Variants in PEDS1 observed in about 807,000 individuals in gnomAD.
PEDS1 encodes plasmanylethanolamine desaturase 1, also known as CarF homolog.
PEDS1 carries 14 observed loss-of-function variants against 35.2 expected under a neutral mutation model. The observed-to-expected ratio is 0.40, with a 90% CI of 0.26 to 0.62. The LOEUF (loss-of-function observed/expected upper bound fraction) is 0.62. Ranked by LOEUF, PEDS1 falls within the 20% of genes least tolerant of loss-of-function variation. The pLI is 0.44. For synonymous variants in PEDS1, 152 were observed against 152.0 expected (o/e 1.00, Z 0.00); for missense variants, 260 against 367.8 (o/e 0.71, Z 2.40).
intron 2 of PEDS1, among the ~76,000 whole-genome samples, chr20:50,138,875 G>T (rs1382028596): frequency 1.3e-5 from 2 of 152,226 alleles, no homozygotes; most frequent in Admixed American, 1.3e-4. Context: ...CTCACCCCAG[G>T]CTACCCTGAC....
intron 1 of PEDS1, chr20:50,151,407 G>T: frequency 1.3e-6 from 1 of 753,726 alleles, no homozygotes; most frequent in Non-Finnish European, 2.1e-6. Context: ...GCCTGGGAAT[G>T]ATTTGGGCTG....
At chr20:50,143,699 TTC>T in intron 1 of PEDS1, 78 bp from the exon 2 acceptor site, 1 of 1,532,332 alleles carries the variant, frequency 6.5e-7, no homozygotes, top group East Asian at 2.3e-5. Flanking sequence ...AACTTTTCTT[TTC>T]TTTTTTTTTT....
Position 50,151,046 on chromosome 20 carries a change from C to T in PEDS1, c.121+2471G>A, listed in dbSNP as rs181547181. 1.5e-3 allele frequency among the ~76,000 whole-genome samples: 230 copies of T among 152,310 alleles called. 1 individual carries two copies. The highest frequency in any genetic ancestry group is 2.5e-3 in the Non-Finnish European group (172 of 68,028). On this transcript the variant is annotated intron_variant, in intron 1 of 5. Transcript: ENST00000371652. ...ACCATTCTGCCCCCAGAGCCTAGAACATGGACTAGAACATAGGTGTTCAAT... is the reference window on the plus strand; with the variant it reads ...ACCATTCTGCCCCCAGAGCCTAGAATATGGACTAGAACATAGGTGTTCAAT...
rs896690895 is a variant in PEDS1 at position 50,121,225 on chromosome 20, C to A, written c.*3833G>T. 1 of 152,274 alleles carries A rather than the reference C, an allele frequency of 6.6e-6. No individual in the cohort carries two copies. The highest frequency in any genetic ancestry group is 1.5e-5 in the Non-Finnish European group (1 of 68,070). 9.4% of individuals were successfully genotyped at this position (152,274 alleles called of 1,614,324 possible). A position where few individuals can be genotyped will look rare whatever the true frequency, so the allele number is the denominator to read the frequency against. On this transcript the variant is annotated 3_prime_UTR_variant, in exon 6 of 6. Transcript: ENST00000371652. ...TTTAGGCCTGATGTCTCCAGGTCAT[C>A]CCAGTCCCCAGCGTCAGCGGCCCTT...
chr20:50,136,845 T>C (rs569944711), intron 2 of PEDS1, among the ~76,000 whole-genome samples: 1 of 152,030 alleles, frequency 6.6e-6, no homozygotes, highest in East Asian at 1.9e-4. Flanking sequence ...AGTACCAGCC[T>C]GGGCAACACA....
At chr20:50,147,940 C>T (rs1289625399) in intron 1 of PEDS1, among the ~76,000 whole-genome samples, 1 of 151,960 alleles carries the variant, frequency 6.6e-6, no homozygotes, top group African/African-American at 2.4e-5. Flanking sequence ...CCTGTAATCT[C>T]CTAGCTACTC....
rs1569042205 is a variant in PEDS1, at chr20:50,129,616, G to A, written c.408C>T (p.Asn136=). 2.5e-6 allele frequency: 4 copies of A among 1,614,122 alleles called. No homozygotes were observed. The highest frequency in any genetic ancestry group is 3.4e-6 in the Non-Finnish European group (4 of 1,180,016). The part of the protein sequence containing the change: ...AITRHDFIET[N]GDNCLVTLLP... The stretch of plus-strand genomic sequence containing the variant: ...GCAGTGTCACCAGGCAGTTGTCCCC[G>A]TTGGTCTCGATGAAGTCGTGCCGTG... The change falls in exon 4 of 6, where the codon AAC becomes AAT. Residue 136 remains asparagine (N), a synonymous_variant. Transcript: ENST00000371652. This position sits in a 1 kb window ranked among gnomAD's most constrained non-coding sequence, Gnocchi z 4.2.
intron 1 of PEDS1, among the ~76,000 whole-genome samples, chr20:50,145,488 A>G (rs546845721): frequency 2.0e-5 from 3 of 152,200 alleles, no homozygotes; most frequent in Non-Finnish European, 4.4e-5. Flanking sequence ...TGAGGTCAGG[A>G]GTTTGAGACC....
chr20:50,151,523 G>C (rs2081402980), intron 1 of PEDS1, among the ~76,000 whole-genome samples: 2 of 152,188 alleles, frequency 1.3e-5, no homozygotes, highest in African/African-American at 4.8e-5. Flanking sequence ...GAGGACCAGA[G>C]AGGTGAGGCG....
intron 1 of PEDS1, among the ~76,000 whole-genome samples, chr20:50,150,340 T>C (rs1477205323): frequency 6.6e-6 from 1 of 152,200 alleles, no homozygotes; most frequent in Admixed American, 6.5e-5. Context: ...GAACTTCTTC[T>C]ACTCTTCCCT....
In PEDS1 at chr20:50,120,933, AGG is replaced by A. The variant is rs1413331366; in HGVS notation, c.*4123_*4124del. 6.6e-6 allele frequency: 1 copy of A among 152,138 alleles called. No individual in the cohort carries two copies. Among genetic ancestry groups the A allele is most frequent in the Non-Finnish European group, 1.5e-5 (1 of 68,054 alleles). The allele number at this position is 152,138 out of a possible 1,614,324, so 9.4% of individuals were successfully genotyped here. On this transcript the variant is annotated 3_prime_UTR_variant, in exon 6 of 6. Coordinates refer to ENST00000371652, the MANE Select transcript of PEDS1 (RefSeq NM_199129.4). ...CCCTTCTAAAGAACAGTGAGCACAC[AGG>A]GGTATGCAAGTTCACTACAGCTCCC...
intron 2 of PEDS1, among the ~76,000 whole-genome samples, chr20:50,139,598 G>A (rs1358390458): frequency 6.6e-6 from 1 of 151,548 alleles, no homozygotes; most frequent in Non-Finnish European, 1.5e-5. Flanking sequence ...GGAAACACGG[G>A]AGACTCAGCC....
At chr20:50,145,786 A>G (rs1296342301) in intron 1 of PEDS1, among the ~76,000 whole-genome samples, 1 of 152,224 alleles carries the variant, frequency 6.6e-6, no homozygotes, top group Non-Finnish European at 1.5e-5. Flanking sequence ...CATAAGGCAC[A>G]GAAGACCTTT....
At position 50,128,319 on chromosome 20, in the gene PEDS1, T is replaced by G. The variant is rs2081134559; in HGVS notation, c.479-132A>C. 1 of 1,134,928 alleles carries G rather than the reference T, an allele frequency of 8.8e-7. No individual in the cohort carries two copies. The highest frequency in any genetic ancestry group is 1.5e-5 in the African/African-American group (1 of 65,048). 70.3% of individuals were successfully genotyped at this position (1,134,928 alleles called of 1,614,324 possible). On this transcript the variant is annotated intron_variant, in intron 4 of 5. Coordinates refer to ENST00000371652, the MANE Select transcript of PEDS1 (RefSeq NM_199129.4). The surrounding 1 kb of genome is among the most constrained non-coding windows in gnomAD (Gnocchi z 5.2). ...GCACCCAGGATTCTCTTCCACCCCC[T>G]GCAGGGCCGCAGGCAAGCTCAGGTG... is the stretch of plus-strand genomic sequence containing the variant.
chr20:50,151,307 T>G lies in PEDS1; in HGVS notation c.121+2210A>C, dbSNP rs529848471. 46 of 1,304,034 alleles carry G rather than the reference T, an allele frequency of 3.5e-5. 2 individuals carry two copies. In the African/African-American group the frequency reaches 6.5e-4, roughly 18 times the overall value. The allele number at this position is 1,304,034 out of a possible 1,614,324, so 80.8% of individuals were successfully genotyped here. A position where few individuals can be genotyped will look rare whatever the true frequency, so the allele number is the denominator to read the frequency against. ...TCAGGCATGGCTGTTCTTCAGAGAG[T>G]GAAGGGCACTTGGGGAAACCAGAAA... On this transcript the variant is annotated intron_variant, in intron 1 of 5. Coordinates refer to ENST00000371652, the MANE Select transcript of PEDS1 (RefSeq NM_199129.4).
Position 50,153,582 on chromosome 20 carries a change from G to GCCTCGT in PEDS1, c.50_55dup (p.Asp17_Glu18dup). On this transcript the variant is annotated inframe_insertion, in exon 1 of 6. Coordinates refer to ENST00000371652, the MANE Select transcript of PEDS1 (RefSeq NM_199129.4). Reference sequence around the variant, plus strand: ...CTGCGCGCCCCAGCGGCAACAAGACGCCTCGTCCTCGTCCAGCTCCAGCTG... The same window carrying GCCTCGT: ...CTGCGCGCCCCAGCGGCAACAAGACGCCTCGTCCTCGTCCTCGTCCAGCTCCAGCTG... 1 of 1,432,072 alleles carries GCCTCGT rather than the reference G, an allele frequency of 7.0e-7. No individual in the cohort carries two copies. Among genetic ancestry groups the GCCTCGT allele is most frequent in the African/African-American group, 1.5e-5 (1 of 68,322 alleles). The allele number at this position is 1,432,072 out of a possible 1,614,324, so 88.7% of individuals were successfully genotyped here. A position where few individuals can be genotyped will look rare whatever the true frequency, so the allele number is the denominator to read the frequency against.
chr20:50,132,005 A>C (rs554687817), intron 2 of PEDS1, among the ~76,000 whole-genome samples: 1 of 152,256 alleles, frequency 6.6e-6, no homozygotes, highest in African/African-American at 2.4e-5. Flanking sequence ...GGAGTTCGAG[A>C]CTAGCCTGGC....
Position 50,125,024 on chromosome 20 carries a change from G to T in PEDS1, c.*34C>A, listed in dbSNP as rs375681783. 1 of 1,611,184 alleles carries T rather than the reference G, an allele frequency of 6.2e-7. No individual in the cohort carries two copies. ...AGATGGCTTCGGTTTGGGGGCTAGG[G>T]AAGGTTGGCAACCAGGTAGCAGGCT... On this transcript the variant is annotated 3_prime_UTR_variant, in exon 6 of 6. Coordinates refer to ENST00000371652, the MANE Select transcript of PEDS1 (RefSeq NM_199129.4).
At chr20:50,140,797 G>GT (rs995015317) in intron 2 of PEDS1, among the ~76,000 whole-genome samples, 3 of 152,176 alleles carry the variant, frequency 2.0e-5, no homozygotes, top group African/African-American at 7.2e-5. Context: ...GGAGATAGGG[G>GT]TAGGGGGCAG....
Sources: gnomAD v4.1 joint callset for allele counts (sites outside exome capture counted in the v4.1 genomes callset) on GRCh38, gnomAD v4.1.1 for gene constraint, Gnocchi (gnomAD v3.1) non-coding constraint, MANE v1.5 for transcripts, NCBI Gene and HGNC (gene_info 2026-07-23, HGNC 2026-07-21) for gene names.